The following DLG2 variants were observed in gnomAD, a reference collection of about 807,000 sequenced individuals.
The protein encoded by DLG2 is disks large homolog 2.
Under a neutral mutation model 132.5 loss-of-function variants are expected in DLG2, and 45 were observed. The observed-to-expected ratio is 0.34, with a 90% CI of 0.27 to 0.44. The LOEUF (loss-of-function observed/expected upper bound fraction) is 0.44. Among genes scored for constraint, DLG2 ranks in the 20% least tolerant of loss-of-function variants. The probability of loss-of-function intolerance (pLI) is 1.00; values close to 1 mark genes in which losing one functional copy is unlikely to be tolerated. For synonymous variants in DLG2, 424 were observed against 419.6 expected, an observed-to-expected ratio of 1.01 and a Z score of -0.13; for missense variants, 1,045 against 1,196.9, an observed-to-expected ratio of 0.87 and a Z score of 1.87.
At chr11:85,007,922 G>T (rs1371222609) in intron 6 of DLG2, among the ~76,000 whole-genome samples, 1 of 151,980 alleles carries the variant, frequency 6.6e-6, no homozygotes, top group South Asian at 2.1e-4. Flanking sequence ...CTTAGGGTCA[G>T]TTGTGTTTCA....
At chr11:85,521,809 A>G (rs903606961) in intron 3 of DLG2, among the ~76,000 whole-genome samples, 5 of 152,170 alleles carry the variant, frequency 3.3e-5, no homozygotes, top group Non-Finnish European at 7.4e-5. Flanking sequence ...GCCCTGCCCT[A>G]GAGATCTGTG....
chr11:85,540,387 C>T (rs1247268026), intron 3 of DLG2, among the ~76,000 whole-genome samples: 1 of 152,192 alleles, frequency 6.6e-6, no homozygotes, highest in Non-Finnish European at 1.5e-5. Flanking sequence ...CAGATGCTGA[C>T]AGGCCATCAA....
At chr11:84,936,491 A>G (rs373013559) in intron 6 of DLG2, among the ~76,000 whole-genome samples, 2 of 152,250 alleles carry the variant, frequency 1.3e-5, no homozygotes, top group East Asian at 3.9e-4. Flanking sequence ...AAATAAATAA[A>G]TGAACTATAG....
chr11:84,531,839 C>T (rs1015397352), intron 7 of DLG2, among the ~76,000 whole-genome samples: 1 of 151,474 alleles, frequency 6.6e-6, no homozygotes, highest in Non-Finnish European at 1.5e-5. Flanking sequence ...TAAGAGAAAC[C>T]CATTGAAGTT....
At position 84,532,926 on chromosome 11, in the gene DLG2, G is replaced by C. The variant is rs575386062; in HGVS notation, c.519+1644C>G. Among the ~76,000 whole-genome samples the C allele has an allele frequency of 1.5e-4, 23 of 152,262 alleles. No homozygotes were observed. The South Asian group carries it at 2.1e-3, about 14-fold the overall frequency. ...TTCAGTGGTTTGTAAACAGAGTAAG[G>C]ATCAGCAATTGTTAGAAAATATTAA... is the stretch of plus-strand genomic sequence containing the variant. On this transcript the variant is annotated intron_variant, in intron 7 of 27. Transcript: ENST00000376104.
At chr11:85,424,917 T>G (rs2090594481) in intron 3 of DLG2, among the ~76,000 whole-genome samples, 1 of 152,180 alleles carries the variant, frequency 6.6e-6, no homozygotes, top group African/African-American at 2.4e-5. Flanking sequence ...AAATTTCTGT[T>G]GCTTAAGCCA....
intron 11 of DLG2, among the ~76,000 whole-genome samples, chr11:84,048,389 A>T (rs2096282609): frequency 1.3e-5 from 2 of 151,766 alleles, no homozygotes; most frequent in South Asian, 4.1e-4. Context: ...AAAAATTAGC[A>T]CTAAAAGGAA....
At chr11:84,245,400 T>G (rs938531162) in intron 8 of DLG2, among the ~76,000 whole-genome samples, 3 of 152,206 alleles carry the variant, frequency 2.0e-5, no homozygotes, top group African/African-American at 7.2e-5. Context: ...ATAACTTTCT[T>G]GGCAGCCAAA....
At chr11:84,664,044 A>C (rs999853254) in intron 6 of DLG2, among the ~76,000 whole-genome samples, 1 of 152,216 alleles carries the variant, frequency 6.6e-6, no homozygotes, top group Non-Finnish European at 1.5e-5. Context: ...AGTTACAGGC[A>C]GAACAACAAC....
intron 11 of DLG2, among the ~76,000 whole-genome samples, chr11:83,997,730 C>CAAAAAAAAAAAAAAAAAA (rs71066079): frequency 4.0e-5 from 1 of 24,796 alleles, no homozygotes; most frequent in African/African-American, 1.5e-4. Flanking sequence ...GACTCCATCT[C>CAAAAAAAAAAAAAAAAAA]AAAAAAAAAA....
intron 9 of DLG2, among the ~76,000 whole-genome samples, chr11:84,123,754 T>G (rs1358952394): frequency 5.3e-5 from 8 of 152,200 alleles, no homozygotes; most frequent in Admixed American, 5.2e-4. Flanking sequence ...ACTAAGTACA[T>G]AGAGATGATT....
chr11:83,622,398 C>T (rs2061776936), intron 19 of DLG2, among the ~76,000 whole-genome samples: 1 of 152,168 alleles, frequency 6.6e-6, no homozygotes. Context: ...TATCCTGGAA[C>T]AAGAGAGGCA....
At chr11:84,879,358 T>G (rs2086920815) in intron 6 of DLG2, among the ~76,000 whole-genome samples, 1 of 152,140 alleles carries the variant, frequency 6.6e-6, no homozygotes, top group Non-Finnish European at 1.5e-5. Flanking sequence ...CTAAGAAATA[T>G]AAGATAATTC....
chr11:85,619,833 CA>C (rs113283591), intron 2 of DLG2, among the ~76,000 whole-genome samples: 24 of 139,788 alleles, frequency 1.7e-4, no homozygotes, highest in African/African-American at 1.9e-4. Context: ...AACTCCGTCT[CA>C]AAAAAAAAAA....
chr11:83,889,810 G>C (rs58831120), intron 15 of DLG2, among the ~76,000 whole-genome samples: 32,277 of 151,914 alleles, frequency 0.21, 3,605 homozygotes, highest in East Asian at 0.37. Flanking sequence ...GTCCTTTGTA[G>C]GGACATGGAT....
At chr11:85,547,247 T>C (rs1056332749) in intron 3 of DLG2, among the ~76,000 whole-genome samples, 1 of 152,206 alleles carries the variant, frequency 6.6e-6, no homozygotes, top group African/African-American at 2.4e-5. Context: ...TCTCCTTCAC[T>C]TATGAAGCTT....
At chr11:85,485,488 A>G (rs542496966) in intron 3 of DLG2, among the ~76,000 whole-genome samples, 1 of 152,344 alleles carries the variant, frequency 6.6e-6, no homozygotes, top group East Asian at 1.9e-4. Flanking sequence ...AGGAACCAGA[A>G]TAGTAAATAA....
chr11:84,078,129 G>A (rs1470972069), intron 10 of DLG2, among the ~76,000 whole-genome samples: 1 of 152,080 alleles, frequency 6.6e-6, no homozygotes, highest in Non-Finnish European at 1.5e-5. Context: ...ATTGAGTAGT[G>A]TTTTTCAAAA....
At chr11:84,610,014 G>T (rs1382381280) in intron 6 of DLG2, among the ~76,000 whole-genome samples, 1 of 151,792 alleles carries the variant, frequency 6.6e-6, no homozygotes, top group Non-Finnish European at 1.5e-5. Flanking sequence ...TTTATCTTAT[G>T]GCATACTACT....
Sources: gnomAD v4.1 joint callset for allele counts (sites outside exome capture counted in the v4.1 genomes callset) on GRCh38, gnomAD v4.1.1 for gene constraint, MANE v1.5 for transcripts, NCBI Gene and HGNC (gene_info 2026-07-23, HGNC 2026-07-21) for gene names.